RGS8: variants seen among roughly 807,000 people sequenced by gnomAD.
RGS8 encodes regulator of G-protein signaling 8.
RGS8 carries 8 observed loss-of-function variants against 21.7 expected under a neutral mutation model. The ratio of observed to expected loss-of-function variants is 0.37; its 90% CI spans 0.22 to 0.66. The LOEUF (loss-of-function observed/expected upper bound fraction) is 0.66, where lower values mean the gene tolerates loss of function less well. Ranked by LOEUF, RGS8 falls within the 30% of genes least tolerant of loss-of-function variation. The pLI, the probability that RGS8 is intolerant of heterozygous loss-of-function variation, is 0.59. For missense variants in RGS8, 157 were observed against 217.9 expected (o/e 0.72, Z 1.76); for synonymous variants, 80 against 83.6 (o/e 0.96, Z 0.24).
the RGS8 span, among the ~76,000 whole-genome samples, chr1:182,695,825 T>C: frequency 6.6e-6 from 1 of 152,226 alleles, no homozygotes; most frequent in Admixed American, 6.5e-5. Flanking sequence ...TACAGCTTAA[T>C]GTACATGTGC....
chr1:182,702,228 C>T, the RGS8 span, among the ~76,000 whole-genome samples: 1 of 152,240 alleles, frequency 6.6e-6, no homozygotes, highest in South Asian at 2.1e-4. Context: ...ACTGTGTAGC[C>T]ATAAAAAGAA....
At chr1:182,691,087 A>G in the RGS8 span, among the ~76,000 whole-genome samples, 2 of 152,258 alleles carry the variant, frequency 1.3e-5, no homozygotes, top group Non-Finnish European at 1.5e-5. Context: ...GCTACCAGCC[A>G]ATCCACCAGC....
chr1:182,689,280 C>G (rs1024744296), upstream of RGS8, among the ~76,000 whole-genome samples: 6 of 147,702 alleles, frequency 4.1e-5, no homozygotes, highest in African/African-American at 2.7e-5. Context: ...CACACACACA[C>G]ACACACACAC....
upstream of RGS8, among the ~76,000 whole-genome samples, chr1:182,676,721 T>C (rs1664374316): frequency 6.6e-6 from 1 of 152,222 alleles, no homozygotes; most frequent in African/African-American, 2.4e-5. Flanking sequence ...TGTGTGCCCA[T>C]GAGGTTTTCA....
chr1:182,694,880 T>C, the RGS8 span, among the ~76,000 whole-genome samples: 1 of 151,592 alleles, frequency 6.6e-6, no homozygotes, highest in African/African-American at 2.4e-5. Flanking sequence ...GTCAGAAAAG[T>C]ATGAAACACA....
chr1:182,707,529 G>A, the RGS8 span, among the ~76,000 whole-genome samples: 2 of 152,030 alleles, frequency 1.3e-5, no homozygotes, highest in Admixed American at 1.3e-4. Context: ...TACTATCACC[G>A]CCACTAGAAG....
chr1:182,747,905 T>G, the RGS8 span, among the ~76,000 whole-genome samples: 2 of 152,142 alleles, frequency 1.3e-5, no homozygotes, highest in African/African-American at 4.8e-5. Context: ...ATCATTTTCT[T>G]TTTTGTTTTG....
chr1:182,699,317 AAAG>A, the RGS8 span, among the ~76,000 whole-genome samples: 2 of 152,214 alleles, frequency 1.3e-5, no homozygotes, highest in East Asian at 1.9e-4. Context: ...CTTAGAAATC[AAAG>A]AAGGAGCTTC....
At chr1:182,646,906 G>A (rs1662729483) in exon 7 of RGS8, 3 of 1,613,270 alleles carry the variant, frequency 1.9e-6, no homozygotes, top group South Asian at 2.2e-5. Flanking sequence ...GGGTCTGGAA[G>A]TCAATGTTTA....
exon 7 of RGS8, chr1:182,646,876 G>A (rs75416974): frequency 2.3e-5 from 37 of 1,614,090 alleles, no homozygotes; most frequent in Non-Finnish European, 3.1e-5. Flanking sequence ...GCTCCTGCAG[G>A]TTCTTCCTCG....
At chr1:182,724,835 G>A in the RGS8 span, among the ~76,000 whole-genome samples, 1 of 152,206 alleles carries the variant, frequency 6.6e-6, no homozygotes, top group Middle Eastern at 3.2e-3. Context: ...TGGGATTACA[G>A]GCATGAGCCA....
intron 5 of RGS8, among the ~76,000 whole-genome samples, chr1:182,655,548 C>A (rs6680998): frequency 0.65 from 99,288 of 152,044 alleles, 33,688 homozygotes; most frequent in Non-Finnish European, 0.75. Flanking sequence ...CATTACCTGG[C>A]AGCCTGCTGA....
chr1:182,699,294 G>A, the RGS8 span, among the ~76,000 whole-genome samples: 2 of 152,094 alleles, frequency 1.3e-5, no homozygotes, highest in South Asian at 2.1e-4. Flanking sequence ...GGTGTTTCTC[G>A]CCTGGCTCGG....
chr1:182,677,046 C>T (rs951037766), upstream of RGS8, among the ~76,000 whole-genome samples: 1 of 151,742 alleles, frequency 6.6e-6, no homozygotes, highest in Non-Finnish European at 1.5e-5. Flanking sequence ...GGAATTTTGC[C>T]AGTGAGCAAG....
chr1:182,704,118 C>T, the RGS8 span, among the ~76,000 whole-genome samples: 1 of 152,184 alleles, frequency 6.6e-6, no homozygotes, highest in South Asian at 2.1e-4. Context: ...GCCCAGGGGG[C>T]TTTTGATTGA....
chr1:182,720,599 ACCT>A, the RGS8 span, among the ~76,000 whole-genome samples: 1 of 151,638 alleles, frequency 6.6e-6, no homozygotes, highest in Non-Finnish European at 1.5e-5. Context: ...CGTCCCATTA[ACCT>A]CCTTCAGAAA....
the RGS8 span, among the ~76,000 whole-genome samples, chr1:182,710,673 C>T: frequency 2.7e-4 from 41 of 152,166 alleles, no homozygotes; most frequent in South Asian, 1.5e-3. Context: ...GTTGATTTTC[C>T]GCTTTAAATC....
chr1:182,665,483 A>C (rs930958537), intron 5 of RGS8, among the ~76,000 whole-genome samples: 1 of 152,226 alleles, frequency 6.6e-6, no homozygotes, highest in Admixed American at 6.5e-5. Flanking sequence ...TGCAGCTGGG[A>C]TAGCAAACCC....
chr1:182,646,741 G>T (rs1383500975), exon 7 of RGS8: 1 of 1,611,852 alleles, frequency 6.2e-7, no homozygotes, highest in Non-Finnish European at 8.5e-7. Context: ...AGGTCTAACT[G>T]AGCCTCCTCT....
Sources: gnomAD v4.1 joint callset for allele counts (sites outside exome capture counted in the v4.1 genomes callset) on GRCh38, gnomAD v4.1.1 for gene constraint, MANE v1.5 for transcripts, NCBI Gene and HGNC (gene_info 2026-07-23, HGNC 2026-07-21) for gene names.